LYPLA1: variants seen among roughly 807,000 people sequenced by gnomAD.
LYPLA1 encodes the protein lysophospholipase 1.
Under a neutral mutation model 34.0 loss-of-function variants are expected in LYPLA1, and 17 were observed. That is an observed-to-expected ratio of 0.50 (90% confidence interval 0.34 to 0.75). LYPLA1 has a LOEUF of 0.75. Among genes scored for constraint, LYPLA1 ranks in the 30% least tolerant of loss-of-function variants. The pLI, the probability that LYPLA1 is intolerant of heterozygous loss-of-function variation, is 0.01. For synonymous variants in LYPLA1, 98 were observed against 100.8 expected (o/e 0.97, Z 0.17); for missense variants, 203 against 288.8 (o/e 0.70, Z 2.15).
chr8:54,085,862 C>G (rs924326626), intron 2 of LYPLA1, among the ~76,000 whole-genome samples: 1 of 149,820 alleles, frequency 6.7e-6, no homozygotes, highest in African/African-American at 2.5e-5. Flanking sequence ...GTGGGGGGGG[C>G]GCCTCTGCCC....
At chr8:54,050,025 T>C (rs1805742290) in intron 8 of LYPLA1, among the ~76,000 whole-genome samples, 1 of 152,220 alleles carries the variant, frequency 6.6e-6, no homozygotes. Flanking sequence ...TAGGCTAAAC[T>C]GTAATGTGTC....
intron 2 of LYPLA1, among the ~76,000 whole-genome samples, chr8:54,095,778 G>A (rs1809638748): frequency 6.6e-6 from 1 of 151,092 alleles, no homozygotes; most frequent in African/African-American, 2.4e-5. Flanking sequence ...GTAGACACAG[G>A]GTCTGGCTGT....
chr8:54,067,821 G>A (rs1237493318), intron 2 of LYPLA1, among the ~76,000 whole-genome samples: 1 of 150,094 alleles, frequency 6.7e-6, no homozygotes, highest in Non-Finnish European at 1.5e-5. Flanking sequence ...TCAGCCTCCC[G>A]AGTAGGCGCC....
intron 6 of LYPLA1, 140 bp downstream of exon 6, chr8:54,054,920 A>G (rs911158191): frequency 1.6e-6 from 1 of 620,848 alleles, no homozygotes; most frequent in African/African-American, 1.9e-5. Context: ...GTACACTGAA[A>G]CTTAATTAAA....
intron 2 of LYPLA1, among the ~76,000 whole-genome samples, chr8:54,089,280 C>T (rs1415762370): frequency 6.6e-6 from 1 of 152,066 alleles, no homozygotes; most frequent in African/African-American, 2.4e-5. Context: ...CAGTTACCAC[C>T]ATCAAAAAAT....
At chr8:54,088,331 T>A (rs777630948) in intron 2 of LYPLA1, among the ~76,000 whole-genome samples, 3 of 152,224 alleles carry the variant, frequency 2.0e-5, no homozygotes. Context: ...GGGACCTCTA[T>A]TTTACTTTTT....
chr8:54,093,324 G>C (rs1482152751), intron 2 of LYPLA1, among the ~76,000 whole-genome samples: 1 of 152,212 alleles, frequency 6.6e-6, no homozygotes. Flanking sequence ...TTAGTTAAGA[G>C]TTGAGATCAC....
At chr8:54,090,259 G>C (rs1448815739) in intron 2 of LYPLA1, among the ~76,000 whole-genome samples, 1 of 152,166 alleles carries the variant, frequency 6.6e-6, no homozygotes. Context: ...CCCCTTCTGA[G>C]AATTTCTGGT....
chr8:54,088,463 G>C (rs1393663185), intron 2 of LYPLA1, among the ~76,000 whole-genome samples: 1 of 152,176 alleles, frequency 6.6e-6, no homozygotes, highest in Non-Finnish European at 1.5e-5. Context: ...AAGTGTTAAC[G>C]AGGATGGCGA....
intron 2 of LYPLA1, chr8:54,073,171 G>A (rs1807619645): frequency 2.7e-6 from 2 of 750,904 alleles, no homozygotes; most frequent in South Asian, 1.3e-5. Flanking sequence ...GCCCCAGGAG[G>A]AGCCTGCAAT....
At chr8:54,089,503 G>GT (rs1809059764) in intron 2 of LYPLA1, among the ~76,000 whole-genome samples, 3 of 138,420 alleles carry the variant, frequency 2.2e-5, no homozygotes, top group African/African-American at 9.3e-5. Flanking sequence ...GGGGGGGGGC[G>GT]GGATCTTTGA....
At chr8:54,084,141 A>AAAAAAAAAAAAAAAAAAATACAT (rs1554547936) in intron 2 of LYPLA1, among the ~76,000 whole-genome samples, 1 of 118,676 alleles carries the variant, frequency 8.4e-6, no homozygotes, top group African/African-American at 4.6e-5. Context: ...AAAATAAATA[A>AAAAAAAAAAAAAAAAAAATACAT]ATATATATAT....
intron 6 of LYPLA1, chr8:54,053,011 A>G (rs1224351038): frequency 2.5e-6 from 1 of 402,324 alleles, no homozygotes; most frequent in Non-Finnish European, 4.5e-6. Flanking sequence ...CACTTACAAC[A>G]TGCCTTACGA....
intron 4 of LYPLA1, among the ~76,000 whole-genome samples, chr8:54,062,665 C>A (rs755406479): frequency 9.9e-5 from 15 of 152,260 alleles, no homozygotes; most frequent in Middle Eastern, 3.4e-3. Context: ...GTGCATGCCA[C>A]CACACCCGGC....
At chr8:54,069,701 C>T (rs1807325957) in intron 2 of LYPLA1, among the ~76,000 whole-genome samples, 5 of 150,002 alleles carry the variant, frequency 3.3e-5, no homozygotes, top group Admixed American at 1.3e-4. Context: ...CAGAGTGAGA[C>T]TCTGTCTCGT....
intron 2 of LYPLA1, among the ~76,000 whole-genome samples, chr8:54,079,481 C>A (rs1243903848): frequency 6.6e-6 from 1 of 152,072 alleles, no homozygotes; most frequent in African/African-American, 2.4e-5. Flanking sequence ...AGAGCCTTGA[C>A]CAGCAAAGGT....
At chr8:54,089,403 T>A (rs1809041031) in intron 2 of LYPLA1, among the ~76,000 whole-genome samples, 1 of 150,052 alleles carries the variant, frequency 6.7e-6, no homozygotes, top group Non-Finnish European at 1.5e-5. Context: ...TTTGCCTAAT[T>A]TATAAATTAA....
At chr8:54,050,542 GTTCT>G (rs1244432203) in intron 8 of LYPLA1, among the ~76,000 whole-genome samples, 2 of 152,122 alleles carry the variant, frequency 1.3e-5, no homozygotes, top group South Asian at 2.1e-4. Context: ...CTGTCCTATA[GTTCT>G]TTCTCTGCAC....
intron 2 of LYPLA1, among the ~76,000 whole-genome samples, chr8:54,077,570 C>A (rs1026964020): frequency 6.6e-6 from 1 of 152,032 alleles, no homozygotes; most frequent in South Asian, 2.1e-4. Context: ...CTGAGGCAGA[C>A]GGATCACTTG....
Sources: allele counts gnomAD v4.1 joint callset (sites outside exome capture counted in the v4.1 genomes callset), GRCh38; gene constraint gnomAD v4.1.1; transcripts MANE v1.5; gene names NCBI Gene and HGNC (gene_info 2026-07-23, HGNC 2026-07-21).